Variants in TEX14 observed in about 807,000 individuals in gnomAD.
TEX14 encodes the protein inactive serine/threonine-protein kinase TEX14.
In TEX14, 168 loss-of-function variants were observed where a neutral mutation model predicts 178.6. That is an observed-to-expected ratio of 0.94 (90% CI 0.83 to 1.07). TEX14 has a LOEUF of 1.07. TEX14 is among the 50% of genes least tolerant of loss of function. TEX14 has a pLI of 0.00. For synonymous variants in TEX14, 626 were observed against 634.1 expected (o/e 0.99, Z 0.19); for missense variants, 1,730 against 1,753.6 (o/e 0.99, Z 0.24).
chr17:58,661,905 T>C (rs538672508), intron 1 of TEX14: 15 of 244,204 alleles, frequency 6.1e-5, no homozygotes, highest in Non-Finnish European at 1.0e-4. Context: ...AGAGAATGCA[T>C]GTAAAAATGC....
chr17:58,615,135 G>A, intron 8 of TEX14, 97 bp downstream of exon 8: 1 of 674,946 alleles, frequency 1.5e-6, no homozygotes. Context: ...ACTGAGAGCA[G>A]CTGGAGCTCC....
Position 58,658,214 on chromosome 17 carries a change from G to A in TEX14, c.-1-6212C>T, listed in dbSNP as rs190752902. ...CGGTCTCCTGCACAGCTGGCTCTGC[G>A]TGAATTACTCTTTCTCTATTGCAAT... is the stretch of plus-strand genomic sequence containing the variant. On this transcript the variant is annotated intron_variant, in intron 1 of 31. Coordinates refer to ENST00000349033, the MANE Select transcript of TEX14 (RefSeq NM_031272.5). Among the ~76,000 whole-genome samples, 868 of 152,234 alleles carry A rather than the reference G, an allele frequency of 5.7e-3. 5 individuals carry two copies. Among genetic ancestry groups the A allele is most frequent in the African/African-American group, 9.2e-3 (382 of 41,530 alleles).
intron 2 of TEX14, chr17:58,631,841 T>C (rs950487564): frequency 1.3e-5 from 2 of 152,306 alleles, no homozygotes; most frequent in Admixed American, 6.5e-5. Context: ...AGTCTTAATG[T>C]CCATTTATGT....
At chr17:58,635,476 C>T (rs1050856077) in intron 2 of TEX14, among the ~76,000 whole-genome samples, 1 of 146,716 alleles carries the variant, frequency 6.8e-6, no homozygotes, top group South Asian at 2.1e-4. Context: ...GTAGCCCATG[C>T]TGGAGTACAG....
At chr17:58,691,510 T>A (rs1298991355) in intron 1 of TEX14, among the ~76,000 whole-genome samples, 1 of 151,618 alleles carries the variant, frequency 6.6e-6, no homozygotes, top group South Asian at 2.1e-4. Context: ...CTAATAATAA[T>A]ACAAAAATTA....
Position 58,688,836 on chromosome 17 carries a change from T to A in TEX14, c.-2+3103A>T, listed in dbSNP as rs185879132. 5.9e-5 allele frequency among the ~76,000 whole-genome samples: 9 copies of A among 152,306 alleles called. No individual in the cohort carries two copies. In the East Asian group the frequency reaches 1.7e-3, roughly 29 times the overall value. On this transcript the variant is annotated intron_variant, in intron 1 of 31. Coordinates refer to ENST00000349033, the MANE Select transcript of TEX14 (RefSeq NM_031272.5). ...GGGGGTTTGGGAGATTACTGAAGTA[T>A]CCAGTTTAAGCCTGATGTGTCTCTG...
At chr17:58,659,358 T>G (rs1278430201) in intron 1 of TEX14, 10 of 982,008 alleles carry the variant, frequency 1.0e-5, no homozygotes, top group Non-Finnish European at 1.2e-5. Flanking sequence ...CACAACATAC[T>G]CATGGCAAAT....
At chr17:58,573,608 T>A (rs2044595730) in intron 22 of TEX14, among the ~76,000 whole-genome samples, 1 of 152,158 alleles carries the variant, frequency 6.6e-6, no homozygotes, top group African/African-American at 2.4e-5. Flanking sequence ...AACCTCCGCC[T>A]CCCGGGTTCA....
intron 3 of TEX14, among the ~76,000 whole-genome samples, chr17:58,628,953 C>T (rs1036737308): frequency 6.6e-6 from 1 of 152,044 alleles, no homozygotes; most frequent in African/African-American, 2.4e-5. Flanking sequence ...AACAGAGCCT[C>T]CTTAAGTAAG....
intron 10 of TEX14, 74 bp from the exon 11 acceptor site, chr17:58,605,203 T>A (rs113577231): frequency 2.7e-5 from 40 of 1,490,410 alleles, no homozygotes; most frequent in Admixed American, 1.4e-4. Flanking sequence ...TCATTCATTC[T>A]TTCATTCATT....
At chr17:58,608,070 T>C (rs1016883881) in intron 10 of TEX14, among the ~76,000 whole-genome samples, 1 of 151,894 alleles carries the variant, frequency 6.6e-6, no homozygotes, top group Non-Finnish European at 1.5e-5. Context: ...ATCGCATGAG[T>C]CCAGGAGTTC....
At chr17:58,671,601 A>G (rs1409340840) in intron 1 of TEX14, among the ~76,000 whole-genome samples, 1 of 152,138 alleles carries the variant, frequency 6.6e-6, no homozygotes, top group Non-Finnish European at 1.5e-5. Context: ...ATTAAAAGCC[A>G]GCCCCAGAGC....
In TEX14 at chr17:58,611,020, C is replaced by A. The variant is rs570276883; in HGVS notation, c.1184+141G>T. 247 of 638,506 alleles carry A rather than the reference C, an allele frequency of 3.9e-4. 1 individual carries two copies. Among genetic ancestry groups the A allele is most frequent in the Admixed American group, 2.0e-3 (84 of 41,242 alleles). 39.6% of individuals were successfully genotyped at this position (638,506 alleles called of 1,614,324 possible). A position where few individuals can be genotyped will look rare whatever the true frequency, so the allele number is the denominator to read the frequency against. On this transcript the variant is annotated intron_variant, in intron 10 of 31. Coordinates refer to ENST00000349033, the MANE Select transcript of TEX14 (RefSeq NM_031272.5). ...TCTAGCCTTGGCAGACAGGGTAAGG[C>A]ATTTGGGACAGGTTCAGCAACTGAT...
In TEX14 at chr17:58,569,379, A is replaced by G. The variant is rs766062619; in HGVS notation, c.3818-119T>C. ...ATTTCTCTCAATGATGAAACAAACTAAGGAGGAAGGAAGCCTCTTACATAA... is the reference window on the plus strand; with the variant it reads ...ATTTCTCTCAATGATGAAACAAACTGAGGAGGAAGGAAGCCTCTTACATAA... On this transcript the variant is annotated intron_variant, in intron 25 of 31. Transcript: ENST00000349033. The surrounding 1 kb of genome is among the most constrained non-coding windows in gnomAD (Gnocchi z 4.1). 31 of 727,966 alleles carry G rather than the reference A, an allele frequency of 4.3e-5. No homozygotes were observed. Among genetic ancestry groups the G allele is most frequent in the African/African-American group, 7.1e-5 (4 of 56,488 alleles). 45.1% of individuals were successfully genotyped at this position (727,966 alleles called of 1,614,324 possible).
chr17:58,609,141 G>A (rs1316311871), intron 10 of TEX14, among the ~76,000 whole-genome samples: 2 of 152,066 alleles, frequency 1.3e-5, no homozygotes, highest in Non-Finnish European at 2.9e-5. Flanking sequence ...ACAGAGTCTC[G>A]CTCTGTCGCC....
At chr17:58,627,480 G>A (rs935647269) in intron 3 of TEX14, among the ~76,000 whole-genome samples, 6 of 152,110 alleles carry the variant, frequency 3.9e-5, no homozygotes, top group Non-Finnish European at 7.4e-5. Flanking sequence ...ACTAAAAGAA[G>A]TGGGAAATGG....
In TEX14 at chr17:58,602,562, G is replaced by A. The variant is rs1304333801; in HGVS notation, c.1365C>T (p.Gly455=). 1 of 1,613,586 alleles carries A rather than the reference G, an allele frequency of 6.2e-7. No individual in the cohort carries two copies. The highest frequency in any genetic ancestry group is 8.5e-7 in the Non-Finnish European group (1 of 1,179,868). ...AGACTACGGCTTTTTTAACAACTGA[G>A]CCATCTAAGCCCTTCCAGGGTATGT... The part of the protein sequence containing the change: ...TDDIPWKGLD[G]SVVKKAVVSG... The change falls in exon 12 of 32, where the codon GGC becomes GGT. Residue 455 remains glycine (G), a synonymous_variant. Coordinates refer to ENST00000349033, the MANE Select transcript of TEX14 (RefSeq NM_031272.5).
intron 1 of TEX14, among the ~76,000 whole-genome samples, chr17:58,683,837 C>T (rs905639643): frequency 1.3e-5 from 2 of 151,340 alleles, no homozygotes; most frequent in African/African-American, 4.9e-5. Flanking sequence ...GAGGCTGAGG[C>T]GGGCGGATCA....
intron 14 of TEX14, among the ~76,000 whole-genome samples, chr17:58,596,719 A>G (rs2045291339): frequency 1.1e-4 from 17 of 150,676 alleles, no homozygotes; most frequent in Admixed American, 1.1e-3. Context: ...CCCCATCTCT[A>G]TGGAAAAAAA....
Sources: allele counts gnomAD v4.1 joint callset (sites outside exome capture counted in the v4.1 genomes callset), GRCh38; gene constraint gnomAD v4.1.1; non-coding constraint Gnocchi (gnomAD v3.1); transcripts MANE v1.5; gene names NCBI Gene and HGNC (gene_info 2026-07-23, HGNC 2026-07-21).